ADGRL3: variants seen among roughly 807,000 people sequenced by gnomAD.
ADGRL3 encodes the protein adhesion G protein-coupled receptor L3.
Under a neutral mutation model 153.5 loss-of-function variants are expected in ADGRL3, and 62 were observed. The ratio of observed to expected loss-of-function variants is 0.40; its 90% CI spans 0.33 to 0.50. The LOEUF is 0.50. ADGRL3 is among the 20% of genes least tolerant of loss of function. ADGRL3 has a pLI of 0.47. For missense variants in ADGRL3, 1,641 were observed against 1,859.4 expected (o/e 0.88, Z 2.16); for synonymous variants, 710 against 672.5 (o/e 1.06, Z -0.86).
Position 62,076,628 on chromosome 4 carries a change from G to C in ADGRL3, c.*5720G>C, listed in dbSNP as rs1747220061. 1 of 151,976 alleles carries C rather than the reference G, an allele frequency of 6.6e-6. No homozygotes were observed. The highest frequency in any genetic ancestry group is 2.4e-5 in the African/African-American group (1 of 41,416). The allele number at this position is 151,976 out of a possible 1,614,324, so 9.4% of individuals were successfully genotyped here. On this transcript the variant is annotated 3_prime_UTR_variant, in exon 27 of 27. Transcript: ENST00000683033. ...ATGTATTCCGAAAAGTAAAATGGGA[G>C]TTTCCTATATTCTGATTTCATTCTG... is the stretch of plus-strand genomic sequence containing the variant.
chr4:61,527,839 A>G (rs749256258), intron 4 of ADGRL3, among the ~76,000 whole-genome samples: 2 of 152,170 alleles, frequency 1.3e-5, no homozygotes, highest in Non-Finnish European at 2.9e-5. Flanking sequence ...AACTAAGCAT[A>G]ACTTAAAACC....
At chr4:61,949,769 A>T (rs974464680) in intron 17 of ADGRL3, among the ~76,000 whole-genome samples, 9 of 152,180 alleles carry the variant, frequency 5.9e-5, no homozygotes, top group Admixed American at 5.2e-4. Context: ...TCAATTTCAT[A>T]TGCATTAGTC....
At chr4:61,987,718 G>A (rs2099090675) in intron 19 of ADGRL3, among the ~76,000 whole-genome samples, 1 of 152,036 alleles carries the variant, frequency 6.6e-6, no homozygotes, top group African/African-American at 2.4e-5. Context: ...CAGTAAAATT[G>A]TATGTCTTGG....
chr4:61,914,473 A>G (rs1385276718), intron 13 of ADGRL3, among the ~76,000 whole-genome samples: 2 of 152,092 alleles, frequency 1.3e-5, no homozygotes, highest in African/African-American at 4.8e-5. Context: ...TGTAGGTTTG[A>G]TAAAGAGTAG....
intron 4 of ADGRL3, among the ~76,000 whole-genome samples, chr4:61,549,815 A>G (rs574123449): frequency 6.6e-6 from 1 of 152,022 alleles, no homozygotes; most frequent in Non-Finnish European, 1.5e-5. Flanking sequence ...GATTAAAATT[A>G]GTTTCTGAAT....
chr4:61,505,790 T>C (rs1437318300), intron 3 of ADGRL3, among the ~76,000 whole-genome samples: 2 of 151,010 alleles, frequency 1.3e-5, no homozygotes, highest in Non-Finnish European at 3.0e-5. Context: ...ATATTATATA[T>C]TAGTGTCCTC....
rs74720128 is a variant in ADGRL3, at chr4:61,808,858, A to G, written c.1400-4951A>G. On this transcript the variant is annotated intron_variant, in intron 8 of 26. Coordinates refer to ENST00000683033, the MANE Select transcript of ADGRL3 (RefSeq NM_001387552.1). ...TTTTAAAAACTTAGAAAAATTCCAC[A>G]TGGCATTTTTAAATGTAGTATGGTG... Among the ~76,000 whole-genome samples the G allele has an allele frequency of 1.7e-4, 26 of 151,208 alleles. No homozygotes were observed. The East Asian group carries it at 4.5e-3, about 26-fold the overall frequency.
chr4:61,561,246 C>T (rs1344565488), intron 4 of ADGRL3, among the ~76,000 whole-genome samples: 1 of 152,052 alleles, frequency 6.6e-6, no homozygotes, highest in African/African-American at 2.4e-5. Flanking sequence ...TTAACAATGC[C>T]ATTTTAAAGT....
chr4:61,742,573 C>T (rs1252056704), intron 8 of ADGRL3, among the ~76,000 whole-genome samples: 1 of 152,148 alleles, frequency 6.6e-6, no homozygotes, highest in Non-Finnish European at 1.5e-5. Flanking sequence ...AGACACCGCA[C>T]CCGGCCTGTT....
At chr4:61,806,397 TATATA>T (rs1167867255) in intron 8 of ADGRL3, among the ~76,000 whole-genome samples, 3 of 151,714 alleles carry the variant, frequency 2.0e-5, no homozygotes, top group African/African-American at 7.3e-5. Context: ...AAACAAAAGA[TATATA>T]ATGTATATAA....
chr4:61,490,453 G>A (rs2098246145), intron 2 of ADGRL3, among the ~76,000 whole-genome samples: 1 of 151,734 alleles, frequency 6.6e-6, no homozygotes, highest in African/African-American at 2.4e-5. Flanking sequence ...ACCAAACACA[G>A]TGCATACTTG....
intron 21 of ADGRL3, among the ~76,000 whole-genome samples, chr4:61,999,544 G>A (rs376331374): frequency 1.3e-5 from 2 of 151,918 alleles, no homozygotes; most frequent in Non-Finnish European, 1.5e-5. Context: ...TTTATTAAAC[G>A]CTTTTACTTA....
chr4:61,353,376 A>G (rs866550430), intron 1 of ADGRL3, among the ~76,000 whole-genome samples: 1 of 152,034 alleles, frequency 6.6e-6, no homozygotes, highest in South Asian at 2.1e-4. Flanking sequence ...TTTTTAAGAC[A>G]TTTTAATTTT....
intron 17 of ADGRL3, among the ~76,000 whole-genome samples, chr4:61,966,218 G>A (rs2099006063): frequency 6.6e-6 from 1 of 152,060 alleles, no homozygotes; most frequent in Admixed American, 6.6e-5. Context: ...TCAGTACCTG[G>A]CACATAATAG....
rs183635847 is a variant in ADGRL3, at chr4:61,451,473, G to T, written c.-173-45648G>T. Among the ~76,000 whole-genome samples, 345 of 152,278 alleles carry T rather than the reference G, an allele frequency of 2.3e-3. 1 individual carries two copies. The highest frequency in any genetic ancestry group is 8.0e-3 in the African/African-American group (331 of 41,556). ...ATGCTAATAGATTGAACAATGTTCA[G>T]ATTGATAAGTATGCTACCTCAGATA... is the stretch of plus-strand genomic sequence containing the variant. On this transcript the variant is annotated intron_variant, in intron 2 of 26. Coordinates refer to ENST00000683033, the MANE Select transcript of ADGRL3 (RefSeq NM_001387552.1).
intron 1 of ADGRL3, among the ~76,000 whole-genome samples, chr4:61,363,388 T>C (rs1306660699): frequency 1.3e-5 from 2 of 152,144 alleles, no homozygotes; most frequent in African/African-American, 2.4e-5. Context: ...TGTTCTTCAT[T>C]TACTCTGCTA....
chr4:61,954,786 A>T (rs139063050), intron 17 of ADGRL3, among the ~76,000 whole-genome samples: 1 of 152,152 alleles, frequency 6.6e-6, no homozygotes, highest in Non-Finnish European at 1.5e-5. Context: ...TCTTTGCTCA[A>T]ATATTACCTA....
intron 8 of ADGRL3, among the ~76,000 whole-genome samples, chr4:61,737,964 G>A (rs2096538695): frequency 6.6e-6 from 1 of 151,514 alleles, no homozygotes; most frequent in Non-Finnish European, 1.5e-5. Context: ...TTGAGGACCA[G>A]GTGGTATTTG....
intron 1 of ADGRL3, among the ~76,000 whole-genome samples, chr4:61,335,279 A>C (rs2095652547): frequency 6.6e-6 from 1 of 152,138 alleles, no homozygotes; most frequent in Non-Finnish European, 1.5e-5. Flanking sequence ...GCAGGATTTA[A>C]AGCATAGATT....
Sources: allele counts gnomAD v4.1 joint callset (sites outside exome capture counted in the v4.1 genomes callset), GRCh38; gene constraint gnomAD v4.1.1; transcripts MANE v1.5; gene names NCBI Gene and HGNC (gene_info 2026-07-23, HGNC 2026-07-21).